Variants in TASP1 observed in about 807,000 individuals in gnomAD.
The protein encoded by TASP1 is taspase 1.
A neutral mutation model predicts 56.6 loss-of-function variants in TASP1; 16 were observed. The observed-to-expected ratio is 0.28, with a 90% CI of 0.19 to 0.43. The LOEUF (loss-of-function observed/expected upper bound fraction) is 0.43. Ranked by LOEUF, TASP1 falls within the 20% of genes least tolerant of loss-of-function variation. The probability of loss-of-function intolerance (pLI) is 1.00; values close to 1 mark genes in which losing one functional copy is unlikely to be tolerated. For synonymous variants in TASP1, 179 were observed against 184.2 expected (o/e 0.97, Z 0.23); for missense variants, 393 against 511.6 (o/e 0.77, Z 2.24).
intron 13 of TASP1, among the ~76,000 whole-genome samples, chr20:13,394,083 C>A (rs897495935): frequency 2.7e-5 from 4 of 150,580 alleles, no homozygotes; most frequent in African/African-American, 9.8e-5. Context: ...GAGTTCGAGA[C>A]CAGCCTGGCC....
chr20:13,261,445 A>C, the TASP1 span, among the ~76,000 whole-genome samples: 1 of 152,044 alleles, frequency 6.6e-6, no homozygotes, highest in Non-Finnish European at 1.5e-5. Flanking sequence ...AAAAAGAAAA[A>C]AGAAGCTCAA....
At chr20:13,526,447 T>C (rs1017381528) in intron 10 of TASP1, among the ~76,000 whole-genome samples, 1 of 152,194 alleles carries the variant, frequency 6.6e-6, no homozygotes, top group African/African-American at 2.4e-5. Flanking sequence ...CCATACTAAA[T>C]TATGTTCACA....
chr20:13,214,586 G>GAGAGAGAGAGAGAGAGAGAGAGAC, the TASP1 span, among the ~76,000 whole-genome samples: 2 of 150,540 alleles, frequency 1.3e-5, no homozygotes, highest in Admixed American at 6.7e-5. Flanking sequence ...GAGAGAGAGA[G>GAGAGAGAGAGAGAGAGAGAGAGAC]AGACAGAAAG....
At chr20:13,248,296 A>C in the TASP1 span, among the ~76,000 whole-genome samples, 2,883 of 152,344 alleles carry the variant, frequency 0.019, 39 homozygotes, top group Non-Finnish European at 0.022. Context: ...AGGTGAGTAT[A>C]CAAAAAGCTG....
At chr20:13,288,523 C>G in the TASP1 span, 1 of 1,612,386 alleles carries the variant, frequency 6.2e-7, no homozygotes, top group Non-Finnish European at 8.5e-7. Flanking sequence ...ATGACCATCT[C>G]CCTGGCTGTC....
At chr20:13,238,136 T>G in the TASP1 span, 1 of 152,160 alleles carries the variant, frequency 6.6e-6, no homozygotes, top group Non-Finnish European at 1.5e-5. Context: ...AAGAATACTT[T>G]TGAGAGCACT....
chr20:13,334,368 T>A, the TASP1 span, among the ~76,000 whole-genome samples: 1 of 152,356 alleles, frequency 6.6e-6, no homozygotes, highest in South Asian at 2.1e-4. Flanking sequence ...TTGAAATGTG[T>A]AGGACTGTTT....
At chr20:13,133,792 T>C in the TASP1 span, among the ~76,000 whole-genome samples, 1 of 152,196 alleles carries the variant, frequency 6.6e-6, no homozygotes, top group African/African-American at 2.4e-5. Context: ...GTCCAGTGAT[T>C]GTAGGCTGGA....
chr20:13,456,977 T>C (rs546447895), intron 11 of TASP1, among the ~76,000 whole-genome samples: 61 of 152,202 alleles, frequency 4.0e-4, no homozygotes, highest in African/African-American at 1.4e-3. Flanking sequence ...TGCAGGGACA[T>C]GGATGAAGCT....
chr20:13,552,425 G>A (rs1568573520), intron 8 of TASP1, among the ~76,000 whole-genome samples: 1 of 152,114 alleles, frequency 6.6e-6, no homozygotes, highest in South Asian at 2.1e-4. Context: ...TGCTGGAAGT[G>A]AAATTCAAAT....
chr20:13,331,673 C>CTTTTTTTTTTTTTT, the TASP1 span, among the ~76,000 whole-genome samples: 1 of 131,426 alleles, frequency 7.6e-6, no homozygotes, highest in Non-Finnish European at 1.7e-5. Flanking sequence ...TTTTTTGTGG[C>CTTTTTTTTTTTTTT]TTTTTTTTTT....
At chr20:13,318,136 A>AAAATAAAG in the TASP1 span, among the ~76,000 whole-genome samples, 3 of 145,038 alleles carry the variant, frequency 2.1e-5, no homozygotes, top group African/African-American at 7.6e-5. Flanking sequence ...GACACTTGAA[A>AAAATAAAG]AAATAAATAA....
chr20:13,332,309 A>C, the TASP1 span, among the ~76,000 whole-genome samples: 2 of 151,786 alleles, frequency 1.3e-5, no homozygotes, highest in East Asian at 1.9e-4. Flanking sequence ...CATGAAAGGT[A>C]CTGAAATATA....
chr20:13,361,753 C>A, the TASP1 span, among the ~76,000 whole-genome samples: 1 of 152,048 alleles, frequency 6.6e-6, no homozygotes, highest in Non-Finnish European at 1.5e-5. Context: ...GTTTACACTG[C>A]CAGTTTACAC....
At chr20:13,616,978 C>T (rs1366693533) in intron 4 of TASP1, 1 of 436,996 alleles carries the variant, frequency 2.3e-6, no homozygotes, top group Admixed American at 2.6e-5. Context: ...AAGTTGCCTC[C>T]CATCTGCGTA....
At chr20:13,622,394 T>C (rs1170035548) in intron 4 of TASP1, among the ~76,000 whole-genome samples, 4 of 152,192 alleles carry the variant, frequency 2.6e-5, no homozygotes, top group Non-Finnish European at 5.9e-5. Flanking sequence ...TCAATAGAAC[T>C]AGGTGCCCAC....
chr20:13,428,093 C>T (rs1329446144), intron 12 of TASP1, among the ~76,000 whole-genome samples: 1 of 152,142 alleles, frequency 6.6e-6, no homozygotes, highest in East Asian at 1.9e-4. Flanking sequence ...TCTAAGAGCC[C>T]ATATGCCTCC....
chr20:13,555,382 T>TAA (rs59279659), intron 8 of TASP1, among the ~76,000 whole-genome samples: 42,156 of 99,056 alleles, frequency 0.43, 9,363 homozygotes, highest in Non-Finnish European at 0.51. Flanking sequence ...AGACTCCCTC[T>TAA]AAAAAAAAAA....
chr20:13,116,310 A>G, the TASP1 span, among the ~76,000 whole-genome samples: 1 of 152,166 alleles, frequency 6.6e-6, no homozygotes, highest in Non-Finnish European at 1.5e-5. Context: ...TCTTGAACTA[A>G]CCTAAACGGT....
Sources: allele counts gnomAD v4.1 joint callset (sites outside exome capture counted in the v4.1 genomes callset), GRCh38; gene constraint gnomAD v4.1.1; transcripts MANE v1.5; gene names NCBI Gene and HGNC (gene_info 2026-07-23, HGNC 2026-07-21).